RBFOX1: variants seen among roughly 807,000 people sequenced by gnomAD.
The protein encoded by RBFOX1 is RNA binding fox-1 homolog 1, also known as RNA binding protein fox-1 homolog 1.
A neutral mutation model predicts 57.7 loss-of-function variants in RBFOX1; 8 were observed. That is an observed-to-expected ratio of 0.14 (90% CI 0.08 to 0.25). The LOEUF is 0.25. RBFOX1 is among the 10% of genes least tolerant of loss of function. The pLI is 1.00. For missense variants in RBFOX1, 611 were observed against 548.5 expected, an observed-to-expected ratio of 1.11 and a Z score of -1.14; for synonymous variants, 326 against 222.4, an observed-to-expected ratio of 1.47 and a Z score of -4.15.
At chr16:5,336,392 A>G (rs1008595309) in intron 1 of RBFOX1, among the ~76,000 whole-genome samples, 8 of 152,108 alleles carry the variant, frequency 5.3e-5, no homozygotes, top group African/African-American at 1.9e-4. Context: ...AATCCCCACT[A>G]TCCTCATCGG....
At chr16:6,465,781 C>G (rs1347112115) in intron 2 of RBFOX1, among the ~76,000 whole-genome samples, 1 of 151,706 alleles carries the variant, frequency 6.6e-6, no homozygotes, top group Middle Eastern at 3.4e-3. Flanking sequence ...CTATATGGCT[C>G]TTTGCAGGAC....
At chr16:6,862,245 C>T (rs1040208453) in intron 3 of RBFOX1, among the ~76,000 whole-genome samples, 4 of 152,112 alleles carry the variant, frequency 2.6e-5, no homozygotes, top group Non-Finnish European at 5.9e-5. Context: ...ATAAGAAACC[C>T]AGAGTCCTAG....
At chr16:5,318,778 T>C (rs1350646074) in intron 1 of RBFOX1, among the ~76,000 whole-genome samples, 1 of 152,184 alleles carries the variant, frequency 6.6e-6, no homozygotes. Context: ...TCAGTTTGGC[T>C]GACCTTAACA....
intron 4 of RBFOX1, among the ~76,000 whole-genome samples, chr16:7,205,984 A>G (rs930436858): frequency 3.3e-5 from 5 of 152,254 alleles, no homozygotes; most frequent in Admixed American, 2.0e-4. Context: ...TGATGAGCCT[A>G]TGGCCGATGT....
At chr16:7,510,449 G>C in intron 4 of RBFOX1, 1 of 710,870 alleles carries the variant, frequency 1.4e-6, no homozygotes, top group Non-Finnish European at 1.7e-6. Context: ...GGAAAGGAGA[G>C]GAGTTTTGGT....
At chr16:5,274,290 A>C (rs930479572) in intron 1 of RBFOX1, among the ~76,000 whole-genome samples, 2 of 152,086 alleles carry the variant, frequency 1.3e-5, no homozygotes, top group African/African-American at 4.8e-5. Flanking sequence ...GCCCTTTGGG[A>C]GGCCGAGGTG....
chr16:6,637,753 C>T (rs2098457496), intron 2 of RBFOX1, among the ~76,000 whole-genome samples: 1 of 151,590 alleles, frequency 6.6e-6, no homozygotes, highest in African/African-American at 2.4e-5. Flanking sequence ...ATCTACATCT[C>T]TTCAAGAACA....
At chr16:5,365,175 T>A (rs2065675987) in intron 1 of RBFOX1, among the ~76,000 whole-genome samples, 1 of 152,096 alleles carries the variant, frequency 6.6e-6, no homozygotes, top group African/African-American at 2.4e-5. Context: ...TAAGTACCGC[T>A]TCGTGGAGGT....
In RBFOX1 at chr16:6,688,127, G is replaced by T. The variant is rs143332596; in HGVS notation, c.-16+33477G>T. ...TCATTGGCTCCGGGTTCAGCAGGCTGTACAGGAAGCACCACGGCTTCTGGG... is the reference window on the plus strand; with the variant it reads ...TCATTGGCTCCGGGTTCAGCAGGCTTTACAGGAAGCACCACGGCTTCTGGG... On this transcript the variant is annotated intron_variant, in intron 3 of 15. Coordinates refer to ENST00000550418, the MANE Select transcript of RBFOX1 (RefSeq NM_018723.4). 2.6e-4 allele frequency among the ~76,000 whole-genome samples: 40 copies of T among 152,142 alleles called. No homozygotes were observed. In the East Asian group the frequency reaches 7.4e-3, roughly 28 times the overall value.
chr16:7,313,401 C>T (rs776518160), intron 4 of RBFOX1, among the ~76,000 whole-genome samples: 16 of 151,812 alleles, frequency 1.1e-4, no homozygotes, highest in Non-Finnish European at 1.9e-4. Context: ...ATTTAGAGTA[C>T]GTGACTCAGG....
intron 1 of RBFOX1, among the ~76,000 whole-genome samples, chr16:6,234,948 T>A (rs1369822404): frequency 6.6e-6 from 1 of 152,186 alleles, no homozygotes; most frequent in African/African-American, 2.4e-5. Context: ...GGAAACTGGG[T>A]AAATTGTGCA....
chr16:6,417,702 C>CTTT (rs4036489), intron 2 of RBFOX1, among the ~76,000 whole-genome samples: 88,326 of 145,526 alleles, frequency 0.61, 26,987 homozygotes, highest in African/African-American at 0.73. Flanking sequence ...AAACTCCTTT[C>CTTT]TTTTTAAAAA....
intron 2 of RBFOX1, among the ~76,000 whole-genome samples, chr16:6,601,556 G>A (rs1390566460): frequency 6.6e-6 from 1 of 152,062 alleles, no homozygotes; most frequent in Non-Finnish European, 1.5e-5. Flanking sequence ...CCCTATGCTT[G>A]GAGTTAGCTC....
chr16:5,754,346 C>G (rs117240047), intron 3 of RBFOX1, among the ~76,000 whole-genome samples: 1 of 152,042 alleles, frequency 6.6e-6, no homozygotes, highest in South Asian at 2.1e-4. Context: ...CATGTTCGCT[C>G]CTATTGTTAG....
intron 1 of RBFOX1, among the ~76,000 whole-genome samples, chr16:6,077,249 T>C (rs1204456483): frequency 6.6e-6 from 1 of 152,178 alleles, no homozygotes; most frequent in Non-Finnish European, 1.5e-5. Flanking sequence ...GCAGACACCA[T>C]GGCATTGCAG....
At chr16:7,455,822 C>T (rs1400233615) in intron 4 of RBFOX1, among the ~76,000 whole-genome samples, 1 of 146,960 alleles carries the variant, frequency 6.8e-6, no homozygotes, top group African/African-American at 2.5e-5. Context: ...AAAAAAAAAA[C>T]TGATTCACAT....
chr16:5,885,492 G>A (rs2057876313), intron 4 of RBFOX1, among the ~76,000 whole-genome samples: 1 of 152,126 alleles, frequency 6.6e-6, no homozygotes, highest in Admixed American at 6.5e-5. Flanking sequence ...TGTGCTTAGG[G>A]AATGGAGTCA....
chr16:5,551,630 A>T (rs1351773898), intron 2 of RBFOX1, among the ~76,000 whole-genome samples: 1 of 152,020 alleles, frequency 6.6e-6, no homozygotes, highest in African/African-American at 2.4e-5. Flanking sequence ...CCTGGGTTCA[A>T]ATCTCAGCTC....
chr16:7,565,730 T>C (rs2091513203), intron 5 of RBFOX1, among the ~76,000 whole-genome samples: 1 of 152,180 alleles, frequency 6.6e-6, no homozygotes, highest in Non-Finnish European at 1.5e-5. Context: ...GAGAAATAAC[T>C]TGATTGGTGG....
Sources: allele counts gnomAD v4.1 joint callset (sites outside exome capture counted in the v4.1 genomes callset), GRCh38; gene constraint gnomAD v4.1.1; transcripts MANE v1.5; gene names NCBI Gene and HGNC (gene_info 2026-07-23, HGNC 2026-07-21).